Variants in CAST observed in about 807,000 individuals in gnomAD.
The protein encoded by CAST is calpastatin.
CAST carries 76 observed loss-of-function variants against 119.6 expected under a neutral mutation model. That is an observed-to-expected ratio of 0.64 (90% CI 0.53 to 0.77). CAST has a LOEUF of 0.77. Among genes scored for constraint, CAST ranks in the 30% least tolerant of loss-of-function variants. CAST has a pLI of 0.00. For missense variants in CAST, 953 were observed against 946.5 expected, an observed-to-expected ratio of 1.01 and a Z score of -0.09; for synonymous variants, 319 against 331.6, an observed-to-expected ratio of 0.96 and a Z score of 0.41.
At chr5:96,000,577 G>A in the CAST span, among the ~76,000 whole-genome samples, 1 of 152,254 alleles carries the variant, frequency 6.6e-6, no homozygotes, top group African/African-American at 2.4e-5. Context: ...GTATAGTCAA[G>A]GGAGGTATAT....
Position 96,730,801 on chromosome 5 carries a change from TCTG to T in CAST, c.575_577del (p.Ala192del). ...TTAGACTAAACCACAAGACATGATTTCTGCTGGTGGAGAGAGTGTTGCTGGTAT... is the reference window on the plus strand; with the variant it reads ...TTAGACTAAACCACAAGACATGATTTCTGGTGGAGAGAGTGTTGCTGGTAT... On this transcript the variant is annotated inframe_deletion, in exon 9 of 32. Transcript: ENST00000675179. 2 of 1,614,018 alleles carry T rather than the reference TCTG, an allele frequency of 1.2e-6. No homozygotes were observed. The highest frequency in any genetic ancestry group is 1.7e-6 in the Non-Finnish European group (2 of 1,179,854).
the CAST span, among the ~76,000 whole-genome samples, chr5:96,513,287 G>A: frequency 6.6e-6 from 1 of 152,202 alleles, no homozygotes; most frequent in African/African-American, 2.4e-5. Context: ...ACAGCGAACA[G>A]AACAAACACA....
the CAST span, among the ~76,000 whole-genome samples, chr5:96,123,528 T>A: frequency 6.6e-6 from 1 of 152,178 alleles, no homozygotes; most frequent in Non-Finnish European, 1.5e-5. Flanking sequence ...GGCTTTATTT[T>A]AAGTAGCTAT....
the CAST span, chr5:96,398,764 A>C: frequency 1.1e-6 from 1 of 886,100 alleles, no homozygotes; most frequent in Non-Finnish European, 1.9e-6. Context: ...GTTTTTTAAG[A>C]CCTGAAAATA....
the CAST span, among the ~76,000 whole-genome samples, chr5:96,490,172 C>G: frequency 6.6e-6 from 1 of 152,172 alleles, no homozygotes; most frequent in Non-Finnish European, 1.5e-5. Flanking sequence ...TTCAAAATAC[C>G]TAACATCCTC....
the CAST span, among the ~76,000 whole-genome samples, chr5:96,117,778 T>G: frequency 6.2e-3 from 949 of 152,312 alleles, 16 homozygotes; most frequent in African/African-American, 0.022. Context: ...AACTCTTTAT[T>G]TGAAAAGGAC....
chr5:95,964,619 A>G, the CAST span, among the ~76,000 whole-genome samples: 5 of 152,188 alleles, frequency 3.3e-5, no homozygotes, highest in African/African-American at 1.2e-4. Flanking sequence ...TAGATTCTAG[A>G]TAAGTTGGAG....
At chr5:96,733,676 A>G (rs149429) in intron 9 of CAST, among the ~76,000 whole-genome samples, 103,875 of 151,984 alleles carry the variant, frequency 0.68, 35,864 homozygotes, top group Admixed American at 0.77. Flanking sequence ...TCAGGAGCTC[A>G]AGACCAGCCT....
intron 3 of CAST, among the ~76,000 whole-genome samples, chr5:96,714,279 C>T (rs1271706856): frequency 6.6e-6 from 1 of 152,238 alleles, no homozygotes; most frequent in Non-Finnish European, 1.5e-5. Context: ...GTCTATGGGA[C>T]TCCAGAGCTC....
the CAST span, among the ~76,000 whole-genome samples, chr5:96,187,774 T>G: frequency 3.7e-4 from 57 of 152,346 alleles, no homozygotes; most frequent in African/African-American, 1.3e-3. Flanking sequence ...GCTACCGAGC[T>G]TAAAAACAGC....
chr5:96,124,168 C>A, the CAST span, among the ~76,000 whole-genome samples: 533 of 152,150 alleles, frequency 3.5e-3, 2 homozygotes, highest in African/African-American at 4.6e-3. Flanking sequence ...TAGAGCTTGG[C>A]TTTTTGTTTG....
intron 1 of CAST, among the ~76,000 whole-genome samples, chr5:96,547,081 A>G (rs1450137007): frequency 1.3e-5 from 2 of 152,168 alleles, no homozygotes; most frequent in African/African-American, 4.8e-5. Flanking sequence ...GAAAACAAGT[A>G]CTAGAGACAC....
chr5:95,989,102 C>CT, the CAST span, among the ~76,000 whole-genome samples: 57 of 152,208 alleles, frequency 3.7e-4, no homozygotes, highest in Non-Finnish European at 7.2e-4. Context: ...GTGTCAAAGT[C>CT]TAAAAAGCAA....
the CAST span, among the ~76,000 whole-genome samples, chr5:96,307,571 T>C: frequency 7.7e-3 from 1,166 of 152,320 alleles, 12 homozygotes; most frequent in African/African-American, 0.027. Context: ...ATTTGGCATG[T>C]TTGTGCAGTG....
the CAST span, among the ~76,000 whole-genome samples, chr5:95,967,953 T>C: frequency 6.6e-6 from 1 of 152,214 alleles, no homozygotes. Flanking sequence ...AGTTACCTTT[T>C]AGGTAACTGA....
chr5:96,359,937 T>C, the CAST span, among the ~76,000 whole-genome samples: 1 of 152,218 alleles, frequency 6.6e-6, no homozygotes, highest in Non-Finnish European at 1.5e-5. Context: ...TCTTCCAACT[T>C]GGTTCCATTC....
At chr5:96,646,985 A>G (rs1748021806) in intron 1 of CAST, among the ~76,000 whole-genome samples, 1 of 152,178 alleles carries the variant, frequency 6.6e-6, no homozygotes, top group Non-Finnish European at 1.5e-5. Flanking sequence ...GTTGTAATGA[A>G]TATACCATCT....
the CAST span, among the ~76,000 whole-genome samples, chr5:96,040,230 G>A: frequency 6.6e-6 from 1 of 152,222 alleles, no homozygotes; most frequent in African/African-American, 2.4e-5. Flanking sequence ...TTTGTATCCT[G>A]AGACTTTGCT....
rs578255080 is a variant in CAST at position 96,678,771 on chromosome 5, C to T, written c.138+3170C>T. Among the ~76,000 whole-genome samples the T allele has an allele frequency of 2.0e-4, 30 of 152,004 alleles. No individual in the cohort carries two copies. The South Asian group carries it at 6.2e-3, about 32-fold the overall frequency. On this transcript the variant is annotated intron_variant, in intron 2 of 31. Transcript: ENST00000675179. ...CTGAGGCAGGAGAATCACTTGAACC[C>T]GGGAGGCAGAGGTTGCAGTGAGCCG...
Sources: allele counts gnomAD v4.1 joint callset (sites outside exome capture counted in the v4.1 genomes callset), GRCh38; gene constraint gnomAD v4.1.1; transcripts MANE v1.5; gene names NCBI Gene and HGNC (gene_info 2026-07-23, HGNC 2026-07-21).